The following MYO16 variants were observed in gnomAD, a reference collection of about 807,000 sequenced individuals.
The protein encoded by MYO16 is myosin XVI, also known as unconventional myosin-XVI.
In MYO16, 94 loss-of-function variants were observed where a neutral mutation model predicts 205.3. That is an observed-to-expected ratio of 0.46 (90% CI 0.39 to 0.54). The LOEUF is 0.54. Ranked by LOEUF, MYO16 falls within the 20% of genes least tolerant of loss-of-function variation. The pLI is 0.00. For synonymous variants in MYO16, 988 were observed against 954.0 expected (o/e 1.04, Z -0.66); for missense variants, 2,315 against 2,387.5 (o/e 0.97, Z 0.63).
intron 16 of MYO16, among the ~76,000 whole-genome samples, chr13:108,925,771 C>T (rs1881971964): frequency 6.6e-6 from 1 of 152,228 alleles, no homozygotes; most frequent in Non-Finnish European, 1.5e-5. Context: ...CATCTCCCAC[C>T]TGAAAGTCTT....
intron 17 of MYO16, among the ~76,000 whole-genome samples, chr13:108,959,702 C>A (rs750408967): frequency 2.0e-5 from 3 of 152,126 alleles, no homozygotes; most frequent in African/African-American, 7.2e-5. Flanking sequence ...CAGATCTGTT[C>A]GTAACAGTGC....
chr13:109,148,307 G>T (rs1277651429), intron 32 of MYO16, among the ~76,000 whole-genome samples: 1 of 152,150 alleles, frequency 6.6e-6, no homozygotes, highest in East Asian at 1.9e-4. Context: ...CTCACAACTT[G>T]TAGCGCTTTC....
chr13:108,985,247 GT>G (rs1377209325), intron 20 of MYO16, among the ~76,000 whole-genome samples: 1 of 152,182 alleles, frequency 6.6e-6, no homozygotes, highest in Non-Finnish European at 1.5e-5. Context: ...TGTTGTTTGG[GT>G]TTTTTAAAGC....
chr13:108,667,028 A>G (rs1251798110), intron 2 of MYO16, among the ~76,000 whole-genome samples: 1 of 152,210 alleles, frequency 6.6e-6, no homozygotes, highest in Non-Finnish European at 1.5e-5. Context: ...ATTACTCACA[A>G]TTTGGAATCC....
At chr13:108,689,888 T>A in intron 2 of MYO16, among the ~76,000 whole-genome samples, 1 of 152,202 alleles carries the variant, frequency 6.6e-6, no homozygotes, top group East Asian at 1.9e-4. Context: ...AGATTCTACA[T>A]CTAACAATTT....
At chr13:108,542,473 A>G in the MYO16 span, among the ~76,000 whole-genome samples, 1 of 152,094 alleles carries the variant, frequency 6.6e-6, no homozygotes, top group Admixed American at 6.5e-5. Flanking sequence ...CCTAAAATAA[A>G]AGTTAAAATA....
intron 1 of MYO16, among the ~76,000 whole-genome samples, chr13:108,635,721 A>T (rs1288002976): frequency 6.6e-6 from 1 of 151,996 alleles, no homozygotes; most frequent in Non-Finnish European, 1.5e-5. Flanking sequence ...GCTGGTCTCG[A>T]ACTTCTGACC....
At chr13:108,944,033 G>A (rs1055096451) in intron 16 of MYO16, among the ~76,000 whole-genome samples, 1 of 152,222 alleles carries the variant, frequency 6.6e-6, no homozygotes, top group African/African-American at 2.4e-5. Context: ...AGCTGATCAG[G>A]GTTCCAGCCC....
At chr13:108,640,226 G>A (rs1052500640) in intron 1 of MYO16, among the ~76,000 whole-genome samples, 5 of 152,208 alleles carry the variant, frequency 3.3e-5, no homozygotes, top group Admixed American at 6.5e-5. Context: ...TCAACAGCTC[G>A]GGTAACACTG....
chr13:108,544,027 T>C, the MYO16 span, among the ~76,000 whole-genome samples: 4 of 134,340 alleles, frequency 3.0e-5, no homozygotes, highest in Non-Finnish European at 6.1e-5. Flanking sequence ...ATCGCACCAT[T>C]GCACTCCAGT....
chr13:109,109,956 A>G (rs76649309), intron 28 of MYO16, among the ~76,000 whole-genome samples: 1,547 of 152,350 alleles, frequency 0.01, 26 homozygotes, highest in African/African-American at 0.035. Context: ...CCATGGTATC[A>G]TGTTTTTAGA....
chr13:108,600,735 A>G (rs927366994), intron 1 of MYO16, among the ~76,000 whole-genome samples: 27 of 152,304 alleles, frequency 1.8e-4, no homozygotes, highest in Middle Eastern at 3.4e-3. Context: ...ATGAACAAGA[A>G]CACTATTTTT....
intron 3 of MYO16, among the ~76,000 whole-genome samples, chr13:108,714,491 T>A (rs1180907894): frequency 6.6e-6 from 1 of 151,758 alleles, no homozygotes; most frequent in Non-Finnish European, 1.5e-5. Flanking sequence ...TATTTATGTG[T>A]GAGAGAGAAA....
rs1174377909 is a variant in MYO16 at position 109,023,334 on chromosome 13, A to T, written c.2796+3423A>T. ...TATATTTATATATTATACAGATATA[A>T]ATATATATTTATATATTATACAGAT... On this transcript the variant is annotated intron_variant, in intron 23 of 34. Coordinates refer to ENST00000457511, the MANE Select transcript of MYO16 (RefSeq NM_001198950.3). Among the ~76,000 whole-genome samples the T allele has an allele frequency of 2.1e-3, 113 of 54,322 alleles. 1 individual carries two copies. The highest frequency in any genetic ancestry group is 2.9e-3 in the Non-Finnish European group (101 of 34,592). The allele number at this position is 54,322 out of a possible 152,430, so 35.6% of individuals were successfully genotyped here. A position where few individuals can be genotyped will look rare whatever the true frequency, so the allele number is the denominator to read the frequency against.
intron 4 of MYO16, among the ~76,000 whole-genome samples, chr13:108,742,829 C>CA (rs1293608252): frequency 6.6e-6 from 1 of 152,184 alleles, no homozygotes; most frequent in African/African-American, 2.4e-5. Context: ...TCTGCTCAGT[C>CA]ACTTGCTTGC....
chr13:108,525,922 C>T, the MYO16 span, among the ~76,000 whole-genome samples: 1 of 144,596 alleles, frequency 6.9e-6, no homozygotes, highest in African/African-American at 2.6e-5. Flanking sequence ...AGATGCTGCT[C>T]TTCATCTTCC....
At chr13:108,618,336 C>CA (rs947031373) in intron 1 of MYO16, among the ~76,000 whole-genome samples, 1 of 151,998 alleles carries the variant, frequency 6.6e-6, no homozygotes, top group Non-Finnish European at 1.5e-5. Context: ...AGAGCACCTG[C>CA]AAAAAAGAGG....
rs1881707537 is a variant in MYO16 at position 108,665,979 on chromosome 13, T to C, written c.122T>C (p.Leu41Pro). The change falls in exon 2 of 35, where the codon CTA becomes CCA. Residue 41 changes from leucine to proline, a missense_variant. Physicochemically the swap from Leu to Pro is moderately conservative, Grantham distance 98. Transcript: ENST00000457511. ...CTTCCCCTTGGCCAACGGCAGCGTCTAGTGAAGCGCATGCGCTGTGAGCAA... is the reference window on the plus strand; with the variant it reads ...CTTCCCCTTGGCCAACGGCAGCGTCCAGTGAAGCGCATGCGCTGTGAGCAA... Reference protein sequence around the residue: ...ESLPLGQRQRLVKRMRCEQIK... With the variant: ...ESLPLGQRQRPVKRMRCEQIK... The C allele has an allele frequency of 2.5e-6, 4 of 1,614,108 alleles. No individual in the cohort carries two copies. The highest frequency in any genetic ancestry group is 3.4e-6 in the Non-Finnish European group (4 of 1,179,988).
chr13:108,593,130 C>A (rs1049564765), upstream of MYO16, among the ~76,000 whole-genome samples: 4 of 151,992 alleles, frequency 2.6e-5, no homozygotes, highest in African/African-American at 9.7e-5. Flanking sequence ...CTCTTGAAAG[C>A]GATGAGTAAA....
Sources: allele counts gnomAD v4.1 joint callset (sites outside exome capture counted in the v4.1 genomes callset), GRCh38; gene constraint gnomAD v4.1.1; transcripts MANE v1.5; gene names NCBI Gene and HGNC (gene_info 2026-07-23, HGNC 2026-07-21).